Variants in PID1 observed in about 807,000 individuals in gnomAD.
PID1 encodes the protein phosphotyrosine interaction domain containing 1.
PID1 carries 10 observed loss-of-function variants against 19.1 expected under a neutral mutation model. That is an observed-to-expected ratio of 0.52 (90% CI 0.32 to 0.89). PID1 has a LOEUF of 0.89. PID1 is among the 40% of genes least tolerant of loss of function. The probability of loss-of-function intolerance (pLI) is 0.03; values close to 1 mark genes in which losing one functional copy is unlikely to be tolerated. For synonymous variants in PID1, 130 were observed against 116.0 expected (o/e 1.12, Z -0.78); for missense variants, 248 against 285.3 (o/e 0.87, Z 0.94).
chr2:229,245,141 C>G (rs1401480662), intron 1 of PID1: 2 of 152,120 alleles, frequency 1.3e-5, no homozygotes, highest in Non-Finnish European at 2.9e-5. Context: ...TGACAACACT[C>G]TTAAAAGCCC....
intron 1 of PID1, among the ~76,000 whole-genome samples, chr2:229,170,365 G>A (rs540821207): frequency 3.9e-5 from 6 of 152,160 alleles, no homozygotes; most frequent in African/African-American, 1.2e-4. Context: ...GCATTTGAAC[G>A]TCAGAGCCCA....
intron 2 of PID1, among the ~76,000 whole-genome samples, chr2:229,028,419 C>A (rs942417579): frequency 6.6e-6 from 1 of 152,256 alleles, no homozygotes; most frequent in Admixed American, 6.5e-5. Context: ...CGTTTGGCAG[C>A]AAATAAATTG....
Position 229,232,055 on chromosome 2 carries a change from G to A in PID1, c.30+38959C>T. 4 of 1,540,366 alleles carry A rather than the reference G, an allele frequency of 2.6e-6. No homozygotes were observed. In the Admixed American group the frequency reaches 8.2e-5, roughly 32 times the overall value. On this transcript the variant is annotated intron_variant, in intron 1 of 2. Coordinates refer to ENST00000392055, the MANE Select transcript of PID1 (RefSeq NM_001100818.2). ...GAAGGCTAAGGGGCAGGCTGAACAT[G>A]GCACGAAGCCTCTTGTACAAGGCTT...
chr2:229,074,799 T>A (rs550773589), intron 2 of PID1, among the ~76,000 whole-genome samples: 2 of 152,344 alleles, frequency 1.3e-5, no homozygotes, highest in East Asian at 1.9e-4. Context: ...ATCAACGGCC[T>A]ATAAATTGAT....
At chr2:229,063,819 C>T (rs1694265288) in intron 2 of PID1, among the ~76,000 whole-genome samples, 4 of 151,960 alleles carry the variant, frequency 2.6e-5, no homozygotes, top group Admixed American at 2.6e-4. Context: ...ATGTTAGGTG[C>T]ATATATATTT....
intron 1 of PID1, among the ~76,000 whole-genome samples, chr2:229,179,092 T>C (rs1171466830): frequency 6.6e-6 from 1 of 152,126 alleles, no homozygotes; most frequent in African/African-American, 2.4e-5. Flanking sequence ...CAAATTTCAC[T>C]CCCCTCTTGG....
chr2:229,110,102 A>G (rs1695266808), intron 2 of PID1, among the ~76,000 whole-genome samples: 1 of 152,220 alleles, frequency 6.6e-6, no homozygotes, highest in South Asian at 2.1e-4. Flanking sequence ...AGACGCTGTA[A>G]CCTAGTAGTA....
intron 2 of PID1, 125 bp downstream of exon 2, chr2:229,155,690 TTTA>T (rs138669953): frequency 0.33 from 273,018 of 834,686 alleles, 47,301 homozygotes; most frequent in Non-Finnish European, 0.36. Context: ...ACTCTGTGAA[TTTA>T]TTTTGTTGGT....
At chr2:229,200,945 T>C (rs898110743) in intron 1 of PID1, among the ~76,000 whole-genome samples, 7 of 152,028 alleles carry the variant, frequency 4.6e-5, no homozygotes, top group Non-Finnish European at 8.8e-5. Flanking sequence ...ACCAACGCAT[T>C]AACAGGAGAG....
At chr2:229,270,217 C>T (rs1400035358) in intron 1 of PID1, among the ~76,000 whole-genome samples, 1 of 152,194 alleles carries the variant, frequency 6.6e-6, no homozygotes, top group Non-Finnish European at 1.5e-5. Context: ...GAGTAGCTGC[C>T]GTGACTCTTG....
intron 2 of PID1, among the ~76,000 whole-genome samples, chr2:229,084,857 CATAAT>C (rs1694734975): frequency 2.0e-5 from 2 of 100,126 alleles, no homozygotes; most frequent in East Asian, 1.8e-3. Context: ...TTTAAAGCTT[CATAAT>C]TCACAGCGAG....
At chr2:229,222,002 G>GACCATT (rs1691980805) in intron 1 of PID1, among the ~76,000 whole-genome samples, 1 of 152,172 alleles carries the variant, frequency 6.6e-6, no homozygotes, top group Non-Finnish European at 1.5e-5. Context: ...TTCCTGCCTA[G>GACCATT]ACCATTACAA....
chr2:229,085,269 A>T (rs1014769757), intron 2 of PID1, among the ~76,000 whole-genome samples: 3 of 152,090 alleles, frequency 2.0e-5, no homozygotes, highest in Non-Finnish European at 4.4e-5. Flanking sequence ...TCTTCATGCA[A>T]ATGAGGGAAA....
intron 2 of PID1, among the ~76,000 whole-genome samples, chr2:229,129,916 T>C (rs989448497): frequency 2.0e-5 from 3 of 152,172 alleles, no homozygotes; most frequent in Admixed American, 6.5e-5. Context: ...CAAGTAACCA[T>C]GGCAACTTAC....
chr2:229,049,096 T>G (rs1284071809), intron 2 of PID1, among the ~76,000 whole-genome samples: 1 of 152,208 alleles, frequency 6.6e-6, no homozygotes, highest in Non-Finnish European at 1.5e-5. Flanking sequence ...GATGTATATA[T>G]TAAATTCTCT....
At chr2:229,168,664 G>C (rs1347792514) in intron 1 of PID1, among the ~76,000 whole-genome samples, 1 of 152,014 alleles carries the variant, frequency 6.6e-6, no homozygotes, top group Non-Finnish European at 1.5e-5. Flanking sequence ...CCATATCTGA[G>C]TCTACTCAGA....
At chr2:229,103,095 T>G (rs1374179079) in intron 2 of PID1, among the ~76,000 whole-genome samples, 2 of 152,186 alleles carry the variant, frequency 1.3e-5, no homozygotes, top group Admixed American at 1.3e-4. Flanking sequence ...TCTTTTTGAA[T>G]CAGGGATGAT....
intron 2 of PID1, among the ~76,000 whole-genome samples, chr2:229,152,358 A>G (rs1003801650): frequency 6.6e-6 from 1 of 152,104 alleles, no homozygotes; most frequent in African/African-American, 2.4e-5. Flanking sequence ...TGATTTATTT[A>G]TTTGGGCACT....
intron 1 of PID1, among the ~76,000 whole-genome samples, chr2:229,186,891 G>A (rs62190436): frequency 0.1 from 15,384 of 152,164 alleles, 1,006 homozygotes; most frequent in South Asian, 0.25. Flanking sequence ...AAAGCTGAAT[G>A]CCTTTAACAG....
Sources: allele counts gnomAD v4.1 joint callset (sites outside exome capture counted in the v4.1 genomes callset), GRCh38; gene constraint gnomAD v4.1.1; transcripts MANE v1.5; gene names NCBI Gene and HGNC (gene_info 2026-07-23, HGNC 2026-07-21).